The following FARP1 variants were observed in gnomAD, a reference collection of about 807,000 sequenced individuals.
FARP1 encodes FERM, ARHGEF and pleckstrin domain-containing protein 1.
Under a neutral mutation model 128.8 loss-of-function variants are expected in FARP1, and 52 were observed. That is an observed-to-expected ratio of 0.40 (90% CI 0.32 to 0.51). FARP1 has a LOEUF of 0.51. Ranked by LOEUF, FARP1 falls within the 20% of genes least tolerant of loss-of-function variation. The pLI, the probability that FARP1 is intolerant of heterozygous loss-of-function variation, is 0.45. For synonymous variants in FARP1, 580 were observed against 551.8 expected, an observed-to-expected ratio of 1.05 and a Z score of -0.72; for missense variants, 1,333 against 1,367.9, an observed-to-expected ratio of 0.97 and a Z score of 0.40.
rs934380308 is a variant in FARP1, at chr13:98,243,565, G to C, written c.171+30152G>C. Among the ~76,000 whole-genome samples the C allele has an allele frequency of 1.4e-4, 22 of 151,782 alleles. 1 individual carries two copies. Among genetic ancestry groups the C allele is most frequent in the African/African-American group, 4.4e-4 (18 of 41,320 alleles). On this transcript the variant is annotated intron_variant, in intron 2 of 26. Transcript: ENST00000319562. Reference sequence around the variant, plus strand: ...AAAAAAAAATTAGCCGGGCGTGGTGGTGGGCGCCTGTAATCTCAGCTACTT... The same window carrying C: ...AAAAAAAAATTAGCCGGGCGTGGTGCTGGGCGCCTGTAATCTCAGCTACTT...
intron 1 of FARP1, among the ~76,000 whole-genome samples, chr13:98,197,924 C>T (rs973936077): frequency 3.3e-5 from 5 of 152,092 alleles, no homozygotes; most frequent in East Asian, 1.9e-4. Context: ...CATGAGCCAC[C>T]GCGCCCGGCC....
chr13:98,417,983 A>T (rs757283509), intron 16 of FARP1, among the ~76,000 whole-genome samples: 1 of 152,226 alleles, frequency 6.6e-6, no homozygotes, highest in Non-Finnish European at 1.5e-5. Context: ...GGAAGAGGTA[A>T]CCCAAATGTC....
intron 1 of FARP1, among the ~76,000 whole-genome samples, chr13:98,186,848 T>A (rs930836075): frequency 2.0e-5 from 3 of 151,552 alleles, no homozygotes; most frequent in African/African-American, 7.3e-5. Context: ...AAAAATTAGC[T>A]GGGCGTGGTG....
chr13:98,308,027 C>A (rs1272068870), intron 2 of FARP1, among the ~76,000 whole-genome samples: 1 of 23,412 alleles, frequency 4.3e-5, no homozygotes, highest in Non-Finnish European at 7.8e-5. Flanking sequence ...CGCCCCCACT[C>A]TCTCTCTTTT....
chr13:98,391,471 A>C (rs571244536), intron 11 of FARP1, among the ~76,000 whole-genome samples: 1 of 152,102 alleles, frequency 6.6e-6, no homozygotes, highest in South Asian at 2.1e-4. Context: ...GGGTCTGCCT[A>C]TGTTGCCAGG....
At position 98,390,812 on chromosome 13, in the gene FARP1, T is replaced by C. The variant is rs200327195; in HGVS notation, c.1020T>C (p.Ser340=). The C allele has an allele frequency of 1.2e-6, 2 of 1,612,138 alleles. No individual in the cohort carries two copies. Among genetic ancestry groups the C allele is most frequent in the South Asian group, 1.1e-5 (1 of 90,946 alleles). The change falls in exon 11 of 27, where the codon AGT becomes AGC. Residue 340 remains serine, a splice_region_variant and synonymous_variant. Transcript: ENST00000319562. ...TTCCCTGTTGTGGTCTCTGTTTCAG[T>C]GGTCGGACTCAGAAGCAGGTTCTCG... The part of the protein sequence containing the change: ...LFSRGSSFRF[S]GRTQKQVLDY...
chr13:98,314,126 C>T (rs887241809), intron 2 of FARP1, among the ~76,000 whole-genome samples: 3 of 152,118 alleles, frequency 2.0e-5, no homozygotes, highest in Admixed American at 6.6e-5. Flanking sequence ...TGGGGTTGAA[C>T]ACTAGATCTT....
chr13:98,376,307 GCT>G (rs923196237), intron 5 of FARP1, among the ~76,000 whole-genome samples: 60 of 152,104 alleles, frequency 3.9e-4, no homozygotes, highest in Non-Finnish European at 8.2e-4. Context: ...ACTTCATTCT[GCT>G]CTCTCTTTCC....
chr13:98,155,421 G>A (rs559297402), intron 1 of FARP1, among the ~76,000 whole-genome samples: 5 of 152,008 alleles, frequency 3.3e-5, no homozygotes, highest in East Asian at 3.9e-4. Context: ...CTCCTTAGGC[G>A]GGGTGCTTGA....
At chr13:98,248,703 C>T (rs1257251009) in intron 2 of FARP1, among the ~76,000 whole-genome samples, 2 of 152,012 alleles carry the variant, frequency 1.3e-5, no homozygotes, top group African/African-American at 4.8e-5. Context: ...CCAATGTGCA[C>T]ATTCTCAGCT....
chr13:98,361,129 G>C (rs909386509), intron 3 of FARP1, among the ~76,000 whole-genome samples: 12 of 152,130 alleles, frequency 7.9e-5, no homozygotes, highest in Admixed American at 5.2e-4. Flanking sequence ...GCTGCTCCCA[G>C]CTCATCCATT....
At chr13:98,379,179 TAA>T (rs1491363916) in intron 6 of FARP1, among the ~76,000 whole-genome samples, 3 of 81,598 alleles carry the variant, frequency 3.7e-5, no homozygotes, top group Non-Finnish European at 6.8e-5. Flanking sequence ...AATCTATATA[TAA>T]TATATATAAT....
chr13:98,417,512 G>T (rs1251714698), intron 16 of FARP1, among the ~76,000 whole-genome samples: 1 of 134,692 alleles, frequency 7.4e-6, no homozygotes, highest in Non-Finnish European at 1.6e-5. Context: ...GGGTCCAGAA[G>T]ATAGCCGGTC....
chr13:98,352,881 ATAGAT>A (rs1222510350), intron 3 of FARP1, among the ~76,000 whole-genome samples: 1 of 152,192 alleles, frequency 6.6e-6, no homozygotes, highest in African/African-American at 2.4e-5. Flanking sequence ...AGAGGAAGCT[ATAGAT>A]TAAACAATAT....
chr13:98,446,277 CCT>C lies in FARP1; in HGVS notation c.2904+75_2904+76del, dbSNP rs1265246113. The C allele has an allele frequency of 9.3e-6, 9 of 970,052 alleles. No individual in the cohort carries two copies. The Admixed American group carries it at 1.6e-4, about 17-fold the overall frequency. The allele number at this position is 970,052 out of a possible 1,614,324, so 60.1% of individuals were successfully genotyped here. On this transcript the variant is annotated intron_variant, in intron 25 of 26. Coordinates refer to ENST00000319562, the MANE Select transcript of FARP1 (RefSeq NM_005766.4). Reference sequence around the variant, plus strand: ...CAGCATGAGGTGAGGGGGCCGCCCTCCTCTGGAATGACTCAGGCCTCTTGGGC... The same window carrying C: ...CAGCATGAGGTGAGGGGGCCGCCCTCCTGGAATGACTCAGGCCTCTTGGGC...
chr13:98,418,368 A>G (rs572010796), intron 16 of FARP1, among the ~76,000 whole-genome samples: 221 of 152,136 alleles, frequency 1.5e-3, no homozygotes, highest in Non-Finnish European at 2.3e-3. Flanking sequence ...TCCGTCTCCC[A>G]GGTTCAAGCA....
intron 2 of FARP1, among the ~76,000 whole-genome samples, chr13:98,319,044 C>T (rs1264422755): frequency 6.7e-6 from 1 of 149,474 alleles, no homozygotes. Context: ...CTCACTGCAG[C>T]CTCGGCCCCC....
chr13:98,240,785 C>T (rs1215024407), intron 2 of FARP1, among the ~76,000 whole-genome samples: 12 of 152,170 alleles, frequency 7.9e-5, no homozygotes, highest in Admixed American at 2.6e-4. Context: ...TGTTCTAGTG[C>T]GTTTTCATCG....
intron 16 of FARP1, among the ~76,000 whole-genome samples, chr13:98,421,450 A>G (rs1388217121): frequency 6.6e-6 from 1 of 152,132 alleles, no homozygotes; most frequent in Non-Finnish European, 1.5e-5. Flanking sequence ...TTCTCCCGCA[A>G]TCCAGACTCT....
Sources: gnomAD v4.1 joint callset for allele counts (sites outside exome capture counted in the v4.1 genomes callset) on GRCh38, gnomAD v4.1.1 for gene constraint, MANE v1.5 for transcripts, NCBI Gene and HGNC (gene_info 2026-07-23, HGNC 2026-07-21) for gene names.